Variants in CEP152 observed in about 807,000 individuals in gnomAD.
CEP152 encodes the protein centrosomal protein of 152 kDa.
CEP152 carries 132 observed loss-of-function variants against 188.9 expected under a neutral mutation model. The observed-to-expected ratio is 0.70, with a 90% CI of 0.61 to 0.81. The LOEUF (loss-of-function observed/expected upper bound fraction) is 0.81. Among genes scored for constraint, CEP152 ranks in the 30% least tolerant of loss-of-function variants. The probability of loss-of-function intolerance (pLI) is 0.00; values close to 1 mark genes in which losing one functional copy is unlikely to be tolerated. For missense variants in CEP152, 1,914 were observed against 1,969.8 expected, an observed-to-expected ratio of 0.97 and a Z score of 0.54; for synonymous variants, 649 against 666.6, an observed-to-expected ratio of 0.97 and a Z score of 0.41.
At chr15:48,760,076 A>G (rs1894564600) in intron 19 of CEP152, 59 bp downstream of exon 19, 1 of 1,610,792 alleles carries the variant, frequency 6.2e-7, no homozygotes, top group African/African-American at 1.3e-5. Flanking sequence ...AAGGACTGAG[A>G]TAAGAGAAGG....
intron 2 of CEP152, among the ~76,000 whole-genome samples, chr15:48,805,318 G>GA (rs1284059966): frequency 1.3e-5 from 2 of 152,094 alleles, no homozygotes; most frequent in Non-Finnish European, 2.9e-5. Context: ...TAAATGAAAA[G>GA]AAAAATTTAA....
At chr15:48,766,413 A>G (rs1243766759) in intron 17 of CEP152, among the ~76,000 whole-genome samples, 1 of 152,186 alleles carries the variant, frequency 6.6e-6, no homozygotes, top group Non-Finnish European at 1.5e-5. Context: ...CAGGGAAGAA[A>G]AGAGGAGGTG....
At chr15:48,733,602 T>C (rs1356956241), downstream of CEP152, among the ~76,000 whole-genome samples, 1 of 152,084 alleles carries the variant, frequency 6.6e-6, no homozygotes, top group East Asian at 1.9e-4. Flanking sequence ...AAAAAATAAT[T>C]GAAGAAATAG....
In CEP152 at chr15:48,785,036, C is replaced by T. The variant is rs1567016480; in HGVS notation, c.1174-916G>A. Among the ~76,000 whole-genome samples, 7 of 152,174 alleles carry T rather than the reference C, an allele frequency of 4.6e-5. No homozygotes were observed. In the South Asian group the frequency reaches 1.5e-3, roughly 32 times the overall value. ...CAGAGGAATGAGTTAAGTTGATTAA[C>T]TGAAATTACCCAAGAAAACCTAAAG... On this transcript the variant is annotated intron_variant, in intron 9 of 26. Transcript: ENST00000380950.
intron 2 of CEP152, among the ~76,000 whole-genome samples, chr15:48,730,791 C>T (rs1214938254): frequency 6.6e-6 from 1 of 152,170 alleles, no homozygotes; most frequent in Admixed American, 6.5e-5. Flanking sequence ...AGCAGGCACA[C>T]ACCATAGAGG....
intron 7 of CEP152, among the ~76,000 whole-genome samples, chr15:48,791,859 AC>A (rs1280408983): frequency 2.6e-5 from 4 of 151,970 alleles, no homozygotes; most frequent in Non-Finnish European, 4.4e-5. Context: ...AAAAAAAAAA[AC>A]AAACCTGATA....
rs1455059616 is a variant in CEP152 at position 48,798,068 on chromosome 15, G to A, written c.88-17C>T. The A allele has an allele frequency of 6.2e-7, 1 of 1,600,656 alleles. No individual in the cohort carries two copies. The highest frequency in any genetic ancestry group is 1.3e-5 in the African/African-American group (1 of 74,596). On this transcript the variant is annotated splice_polypyrimidine_tract_variant and intron_variant, in intron 2 of 26. Coordinates refer to ENST00000380950, the MANE Select transcript of CEP152 (RefSeq NM_001194998.2). ...CTGCTGCAACTGAGTCAAAAGGTCTGCATCAATATCATACCAACTTAAACA... is the reference window on the plus strand; with the variant it reads ...CTGCTGCAACTGAGTCAAAAGGTCTACATCAATATCATACCAACTTAAACA...
rs34837739 is a variant in CEP152, at chr15:48,765,636, ATTTTTTTTTTTTTTTTTT to A, written c.2280+1406_2280+1423del. 3.6e-3 allele frequency: 673 copies of A among 189,570 alleles called. 17 individuals carry two copies. The African/African-American group carries it at 0.039, about 11-fold the overall frequency. The allele number at this position is 189,570 out of a possible 1,614,324, so 11.7% of individuals were successfully genotyped here. On this transcript the variant is annotated intron_variant, in intron 17 of 26. Coordinates refer to ENST00000380950, the MANE Select transcript of CEP152 (RefSeq NM_001194998.2). Reference sequence around the variant, plus strand: ...GAAAATTCCTCTTATGTTCTTGCCAATTTTTTTTTTTTTTTTTTTTTTTTTTTTTTTTTGAGAGACGGA... The same window carrying A: ...GAAAATTCCTCTTATGTTCTTGCCAATTTTTTTTTTTTTTTGAGAGACGGA...
At chr15:48,807,072 C>T (rs1242493317) in intron 1 of CEP152, among the ~76,000 whole-genome samples, 2 of 152,186 alleles carry the variant, frequency 1.3e-5, no homozygotes, top group Non-Finnish European at 2.9e-5. Flanking sequence ...CTGGTCCCTA[C>T]ACCCAACCCG....
At chr15:48,795,936 C>T (rs915031636) in intron 6 of CEP152, 74 bp downstream of exon 6, 3 of 1,333,622 alleles carry the variant, frequency 2.2e-6, no homozygotes, top group Non-Finnish European at 3.2e-6. Flanking sequence ...CTTGAATGTG[C>T]TCAAATATTC....
chr15:48,729,247 G>A (rs1373838875), intron 2 of CEP152: 2 of 152,234 alleles, frequency 1.3e-5, no homozygotes, highest in Non-Finnish European at 2.9e-5. Flanking sequence ...TAGAATGTAT[G>A]TATGTTGGCT....
intron 24 of CEP152, among the ~76,000 whole-genome samples, chr15:48,742,664 T>C (rs1339825582): frequency 1.3e-5 from 2 of 152,042 alleles, no homozygotes; most frequent in African/African-American, 2.4e-5. Flanking sequence ...ATAAGAGATA[T>C]GTACAAAATG....
intron 1 of CEP152, among the ~76,000 whole-genome samples, chr15:48,807,887 T>C (rs541404261): frequency 5.7e-4 from 62 of 109,534 alleles, no homozygotes; most frequent in African/African-American, 2.0e-3. Context: ...AGATAGAGAA[T>C]ACTTAGGGTT....
intron 8 of CEP152, among the ~76,000 whole-genome samples, chr15:48,790,566 CT>C (rs1017294846): frequency 1.3e-5 from 2 of 152,024 alleles, no homozygotes; most frequent in African/African-American, 2.4e-5. Flanking sequence ...TTCATAGTCA[CT>C]TTCATTTTTT....
chr15:48,781,457 C>A, intron 11 of CEP152, 98 bp from the exon 12 acceptor site: 2 of 899,830 alleles, frequency 2.2e-6, no homozygotes, highest in Non-Finnish European at 1.7e-6. Context: ...CAACAGGAGG[C>A]AAAAAAACTT....
chr15:48,810,282 C>T (rs115570199), intron 1 of CEP152: 19 of 152,340 alleles, frequency 1.2e-4, no homozygotes, highest in African/African-American at 4.6e-4. Flanking sequence ...TTTAGACTTG[C>T]AACACCTGGT....
intron 20 of CEP152, among the ~76,000 whole-genome samples, 198 bp from the exon 21 acceptor site, chr15:48,752,667 T>C (rs983661926): frequency 2.6e-5 from 4 of 152,172 alleles, no homozygotes; most frequent in African/African-American, 7.2e-5. Context: ...TATGAAACTT[T>C]CCAAATAAGA....
downstream of CEP152, among the ~76,000 whole-genome samples, chr15:48,734,952 C>T (rs1326954710): frequency 6.6e-6 from 1 of 152,124 alleles, no homozygotes; most frequent in East Asian, 1.9e-4. Flanking sequence ...TCTTAATAAC[C>T]AGTTGAACAA....
At chr15:48,763,223 T>C (rs1467164869) in intron 17 of CEP152, among the ~76,000 whole-genome samples, 2 of 152,248 alleles carry the variant, frequency 1.3e-5, no homozygotes, top group Admixed American at 6.5e-5. Context: ...ACTTTAACAG[T>C]ACAGTGAGGT....
Sources: allele counts gnomAD v4.1 joint callset (sites outside exome capture counted in the v4.1 genomes callset), GRCh38; gene constraint gnomAD v4.1.1; transcripts MANE v1.5; gene names NCBI Gene and HGNC (gene_info 2026-07-23, HGNC 2026-07-21).